The following TAX1BP1 variants were observed in gnomAD, a reference collection of about 807,000 sequenced individuals.
The protein encoded by TAX1BP1 is Tax1 binding protein 1.
Under a neutral mutation model 97.7 loss-of-function variants are expected in TAX1BP1, and 62 were observed. That is an observed-to-expected ratio of 0.63 (90% confidence interval 0.52 to 0.78). TAX1BP1 has a LOEUF of 0.78. Among genes scored for constraint, TAX1BP1 ranks in the 30% least tolerant of loss-of-function variants. The probability of loss-of-function intolerance (pLI) is 0.00; values close to 1 mark genes in which losing one functional copy is unlikely to be tolerated. For synonymous variants in TAX1BP1, 340 were observed against 304.2 expected (o/e 1.12, Z -1.23); for missense variants, 867 against 916.1 (o/e 0.95, Z 0.69).
At chr7:27,778,873 A>G (rs539314343) in intron 5 of TAX1BP1, among the ~76,000 whole-genome samples, 159 of 151,864 alleles carry the variant, frequency 1.0e-3, no homozygotes, top group African/African-American at 3.6e-3. Flanking sequence ...AAAAAAAAAA[A>G]AGTATACAAT....
chr7:27,742,275 G>A (rs1366351754), intron 1 of TAX1BP1, among the ~76,000 whole-genome samples: 3 of 152,166 alleles, frequency 2.0e-5, no homozygotes, highest in Non-Finnish European at 4.4e-5. Context: ...CACATGGGGA[G>A]AAACCTTGGA....
chr7:27,802,524 A>G (rs554957148), intron 13 of TAX1BP1, among the ~76,000 whole-genome samples: 3 of 152,220 alleles, frequency 2.0e-5, no homozygotes, highest in Non-Finnish European at 4.4e-5. Flanking sequence ...GAATGAATGA[A>G]TGATTTAGAG....
intron 13 of TAX1BP1, among the ~76,000 whole-genome samples, chr7:27,801,701 C>A (rs952405356): frequency 6.6e-5 from 10 of 152,142 alleles, no homozygotes; most frequent in South Asian, 2.1e-4. Flanking sequence ...CCATGGGAAG[C>A]TAAACAGGTA....
intron 12 of TAX1BP1, among the ~76,000 whole-genome samples, chr7:27,798,402 G>A (rs1790014062): frequency 6.6e-6 from 1 of 151,966 alleles, no homozygotes; most frequent in African/African-American, 2.4e-5. Context: ...AGTGGCTCAT[G>A]TCTGTAATCC....
chr7:27,777,708 T>G (rs1425266836), intron 5 of TAX1BP1, among the ~76,000 whole-genome samples: 2 of 152,180 alleles, frequency 1.3e-5, no homozygotes, highest in African/African-American at 4.8e-5. Context: ...GACTCTCAGT[T>G]TCTCTCCATA....
Position 27,758,111 on chromosome 7 carries a change from C to T in TAX1BP1, c.243C>T (p.Val81=), listed in dbSNP as rs374567926. 15 of 1,610,884 alleles carry T rather than the reference C, an allele frequency of 9.3e-6. No homozygotes were observed. The highest frequency in any genetic ancestry group is 1.1e-5 in the Non-Finnish European group (13 of 1,178,668). The change falls in exon 3 of 17, where the codon GTC becomes GTT. Residue 81 remains valine (V), a synonymous_variant. Coordinates refer to ENST00000396319, the MANE Select transcript of TAX1BP1 (RefSeq NM_006024.7). The stretch of plus-strand genomic sequence containing the variant: ...AACATTATGTGGAAGGATCAACAGT[C>T]AATTGTGTACTAGCATTCCAAGGTA... ...MPEHYVEGST[V]NCVLAFQGYY...
chr7:27,799,078 C>T (rs1408975427), intron 12 of TAX1BP1, among the ~76,000 whole-genome samples: 1 of 152,006 alleles, frequency 6.6e-6, no homozygotes, highest in Non-Finnish European at 1.5e-5. Context: ...GGAATGTTTG[C>T]CTAATCCAAG....
In TAX1BP1 at chr7:27,792,121, A is replaced by G; in HGVS notation, c.1154A>G (p.Asp385Gly). The change falls in exon 9 of 17, where the codon GAC becomes GGC. Residue 385 changes from aspartate to glycine, a missense_variant. By Grantham distance (94) the Asp-to-Gly change is moderately conservative. Around this residue, in one of 3 missense-constraint regions of TAX1BP1, gnomAD observed 822 missense variants for 851.4 expected, o/e 0.97. Coordinates refer to ENST00000396319, the MANE Select transcript of TAX1BP1 (RefSeq NM_006024.7). The part of the protein sequence containing the change: ...KELSDAVNVR[D>G]RTMADLHTAR... Reference sequence around the variant, plus strand: ...CTCAGTGATGCTGTCAACGTACGAGACAGAACGATGGCAGACCTGCATACT... The same window carrying G: ...CTCAGTGATGCTGTCAACGTACGAGGCAGAACGATGGCAGACCTGCATACT... 1.2e-6 allele frequency: 2 copies of G among 1,614,098 alleles called. No homozygotes were observed. Among genetic ancestry groups the G allele is most frequent in the Non-Finnish European group, 1.7e-6 (2 of 1,180,038 alleles).
In TAX1BP1 at chr7:27,794,345, C is replaced by G; in HGVS notation, c.1433C>G (p.Thr478Arg). ...DQSANNNNVF[T>R]KKTGNQQKVN... ...TAGGCTAATAATAATAATGTCTTCA[C>G]AAAGAAAACGGGGAATCAGCAGAAA... The change falls in exon 11 of 17, where the codon ACA becomes AGA. Residue 478 changes from threonine to arginine, a missense_variant. By Grantham distance (71) the Thr-to-Arg change is moderately conservative. This residue lies in a region of TAX1BP1 where 822 missense variants were observed against 851.4 expected (regional missense o/e 0.97). Coordinates refer to ENST00000396319, the MANE Select transcript of TAX1BP1 (RefSeq NM_006024.7). The G allele has an allele frequency of 6.2e-7, 1 of 1,612,202 alleles. No individual in the cohort carries two copies. The highest frequency in any genetic ancestry group is 8.5e-7 in the Non-Finnish European group (1 of 1,178,898).
At chr7:27,743,744 C>T (rs373437178) in intron 1 of TAX1BP1, among the ~76,000 whole-genome samples, 2 of 150,366 alleles carry the variant, frequency 1.3e-5, no homozygotes, top group South Asian at 4.2e-4. Context: ...AGACATTTCA[C>T]TTACAGTTAG....
chr7:27,810,527 A>G (rs1206864003), intron 13 of TAX1BP1, among the ~76,000 whole-genome samples: 1 of 152,102 alleles, frequency 6.6e-6, no homozygotes, highest in African/African-American at 2.4e-5. Context: ...GAGTATGCCC[A>G]TTATTGTTTT....
At chr7:27,787,345 A>G in intron 7 of TAX1BP1, 73 bp from the exon 8 acceptor site, 1 of 1,308,532 alleles carries the variant, frequency 7.6e-7, no homozygotes, top group Admixed American at 2.5e-5. Flanking sequence ...TAGAAATATA[A>G]TGGTATTTTA....
At chr7:27,743,394 A>G (rs926202169) in intron 1 of TAX1BP1, among the ~76,000 whole-genome samples, 2 of 152,216 alleles carry the variant, frequency 1.3e-5, no homozygotes, top group East Asian at 1.9e-4. Flanking sequence ...TGTGTGTCCT[A>G]TCGGATTAAA....
Position 27,796,169 on chromosome 7 carries a change from G to C in TAX1BP1, c.1588G>C (p.Glu530Gln), listed in dbSNP as rs767614654. The change falls in exon 12 of 17, where the codon GAA becomes CAA. Residue 530 changes from glutamate to glutamine, a missense_variant. By Grantham distance (29) the Glu-to-Gln change is conservative (BLOSUM62 2). Coordinates refer to ENST00000396319, the MANE Select transcript of TAX1BP1 (RefSeq NM_006024.7). ...TKGQVCEMTK[E>Q]IADKTEKYNK... ...GGGGCAAGTCTGTGAAATGACCAAA[G>C]AAATTGCTGACAAAACAGAAAAGTA... 1.3e-6 allele frequency: 2 copies of C among 1,598,008 alleles called. No individual in the cohort carries two copies. Among genetic ancestry groups the C allele is most frequent in the East Asian group, 4.5e-5 (2 of 44,472 alleles).
intron 13 of TAX1BP1, among the ~76,000 whole-genome samples, chr7:27,811,847 G>A (rs942823391): frequency 1.3e-5 from 2 of 151,926 alleles, no homozygotes; most frequent in Non-Finnish European, 2.9e-5. Context: ...TCATGTAATT[G>A]GAATAAAGCA....
intron 3 of TAX1BP1, among the ~76,000 whole-genome samples, chr7:27,762,773 AC>A (rs747679815): frequency 1.4e-4 from 22 of 152,134 alleles, no homozygotes; most frequent in Admixed American, 6.5e-5. Flanking sequence ...ATTTGGCAAA[AC>A]TTCATCTCTA....
At chr7:27,803,179 A>C (rs1278460117) in intron 13 of TAX1BP1, 1 of 1,544,738 alleles carries the variant, frequency 6.5e-7, no homozygotes, top group Admixed American at 2.0e-5. Context: ...TCCAGGGAGA[A>C]GGTATTGAGC....
intron 3 of TAX1BP1, 87 bp from the exon 4 acceptor site, chr7:27,765,747 A>G (rs1562707034): frequency 1.7e-6 from 2 of 1,154,334 alleles, no homozygotes; most frequent in Non-Finnish European, 1.2e-6. Context: ...AGTGTGGGGA[A>G]TGAGACATGG....
At chr7:27,804,053 CTG>C (rs1790244007) in intron 13 of TAX1BP1, among the ~76,000 whole-genome samples, 1 of 152,148 alleles carries the variant, frequency 6.6e-6, no homozygotes, top group Non-Finnish European at 1.5e-5. Context: ...TAAGCAAAAA[CTG>C]GAATTTTGAA....
Sources: allele counts gnomAD v4.1 joint callset (sites outside exome capture counted in the v4.1 genomes callset), GRCh38; gene constraint gnomAD v4.1.1; regional missense constraint gnomAD v4.1.1; transcripts MANE v1.5; gene names NCBI Gene and HGNC (gene_info 2026-07-23, HGNC 2026-07-21).